ZHX2: variants seen among roughly 807,000 people sequenced by gnomAD.
ZHX2 encodes the protein zinc fingers and homeoboxes 2, also known as zinc fingers and homeoboxes protein 2.
A neutral mutation model predicts 21.9 loss-of-function variants in ZHX2; 6 were observed. The observed-to-expected ratio is 0.27, with a 90% CI of 0.15 to 0.54. The LOEUF is 0.54. ZHX2 is among the 20% of genes least tolerant of loss of function. The pLI is 0.95. For missense variants in ZHX2, 908 were observed against 1,090.7 expected, an observed-to-expected ratio of 0.83 and a Z score of 2.36; for synonymous variants, 434 against 437.1, an observed-to-expected ratio of 0.99 and a Z score of 0.09.
intron 1 of ZHX2, among the ~76,000 whole-genome samples, chr8:122,848,124 G>A (rs1246673210): frequency 6.6e-6 from 1 of 152,170 alleles, no homozygotes; most frequent in Non-Finnish European, 1.5e-5. Flanking sequence ...AATATATTTT[G>A]AGGAATGAAT....
chr8:122,879,254 T>G (rs535216968), intron 2 of ZHX2, among the ~76,000 whole-genome samples: 1 of 152,294 alleles, frequency 6.6e-6, no homozygotes, highest in South Asian at 2.1e-4. Flanking sequence ...GTCACCAGGC[T>G]GGAGTGCAGT....
rs192082952 is a variant in ZHX2, at chr8:122,809,361, G to C, written c.-283+27415G>C. 7.7e-3 allele frequency: 1,177 copies of C among 152,372 alleles called. 9 individuals carry two copies. Among genetic ancestry groups the C allele is most frequent in the Middle Eastern group, 0.017 (5 of 300 alleles). 9.4% of individuals were successfully genotyped at this position (152,372 alleles called of 1,614,324 possible). ...AAAAATACAAAAAAATTAGCCAGGC[G>C]TGGTGGTAGGCGCCTGTAATCCCAG... On this transcript the variant is annotated intron_variant, in intron 1 of 3. Coordinates refer to ENST00000314393, the MANE Select transcript of ZHX2 (RefSeq NM_014943.5).
chr8:122,971,668 C>A (rs563545383), intron 3 of ZHX2, among the ~76,000 whole-genome samples: 65 of 147,898 alleles, frequency 4.4e-4, no homozygotes, highest in Non-Finnish European at 8.6e-4. Flanking sequence ...AACAGCCTTA[C>A]CAGGAGGGAG....
chr8:122,891,979 T>C (rs1819991018), intron 2 of ZHX2, among the ~76,000 whole-genome samples: 1 of 152,166 alleles, frequency 6.6e-6, no homozygotes, highest in African/African-American at 2.4e-5. Flanking sequence ...GGTTTGGTGA[T>C]TTTCTGCCTA....
chr8:122,851,131 C>T (rs1257946618), intron 1 of ZHX2, among the ~76,000 whole-genome samples: 1 of 152,064 alleles, frequency 6.6e-6, no homozygotes. Context: ...CTGGGGGGTG[C>T]GAGACGGGGG....
chr8:122,970,987 G>A (rs1813706348), intron 3 of ZHX2, among the ~76,000 whole-genome samples: 1 of 152,234 alleles, frequency 6.6e-6, no homozygotes, highest in Non-Finnish European at 1.5e-5. Flanking sequence ...AGAATCAGGA[G>A]GCTCTGAAGT....
chr8:122,872,884 G>A (rs1819474570), intron 2 of ZHX2, among the ~76,000 whole-genome samples: 1 of 152,036 alleles, frequency 6.6e-6, no homozygotes, highest in Non-Finnish European at 1.5e-5. Context: ...ACTCAGACAG[G>A]TTTCCCCCAC....
chr8:122,889,699 C>T (rs377131080), intron 2 of ZHX2, among the ~76,000 whole-genome samples: 1 of 152,154 alleles, frequency 6.6e-6, no homozygotes, highest in Non-Finnish European at 1.5e-5. Flanking sequence ...TACCTATTCA[C>T]GGATTTTTCT....
intron 2 of ZHX2, among the ~76,000 whole-genome samples, chr8:122,874,998 G>C (rs756487987): frequency 6.6e-6 from 1 of 151,690 alleles, no homozygotes; most frequent in Admixed American, 6.6e-5. Flanking sequence ...ACTGTAAAAT[G>C]AGCAGACAAG....
intron 2 of ZHX2, among the ~76,000 whole-genome samples, chr8:122,893,125 T>C (rs1316717137): frequency 1.3e-5 from 2 of 152,210 alleles, no homozygotes; most frequent in African/African-American, 4.8e-5. Flanking sequence ...TTTGTTTTGT[T>C]TTTTTTCTTT....
chr8:122,875,611 C>T (rs1819554628), intron 2 of ZHX2, among the ~76,000 whole-genome samples: 1 of 151,624 alleles, frequency 6.6e-6, no homozygotes, highest in African/African-American at 2.4e-5. Context: ...TAGTAGTAGA[C>T]GTGGTAGTTG....
chr8:122,805,038 C>T (rs1817796008), intron 1 of ZHX2, among the ~76,000 whole-genome samples: 1 of 152,190 alleles, frequency 6.6e-6, no homozygotes, highest in Admixed American at 6.5e-5. Flanking sequence ...TTCATCTAAA[C>T]TCTTTCATTC....
intron 1 of ZHX2, among the ~76,000 whole-genome samples, chr8:122,857,944 CAT>C (rs1490359427): frequency 3.3e-5 from 5 of 152,198 alleles, no homozygotes; most frequent in Admixed American, 2.0e-4. Context: ...GAGCAAATGA[CAT>C]ATGCGTTTTA....
chr8:122,813,208 A>G (rs1272594871), intron 1 of ZHX2, among the ~76,000 whole-genome samples: 1 of 151,986 alleles, frequency 6.6e-6, no homozygotes, highest in East Asian at 1.9e-4. Context: ...AAAAAAAAAA[A>G]AAAAGAAAAA....
intron 2 of ZHX2, among the ~76,000 whole-genome samples, chr8:122,882,646 C>A (rs932863346): frequency 6.6e-6 from 1 of 152,160 alleles, no homozygotes; most frequent in Non-Finnish European, 1.5e-5. Flanking sequence ...TTGCTGCTTG[C>A]AATCTTTCCA....
intron 1 of ZHX2, among the ~76,000 whole-genome samples, chr8:122,836,700 G>T (rs985607138): frequency 4.9e-4 from 74 of 152,310 alleles, no homozygotes; most frequent in African/African-American, 1.6e-3. Flanking sequence ...GATCTTCACG[G>T]GTACGTGTCT....
At chr8:122,955,077 G>T (rs1189444908) in intron 3 of ZHX2, among the ~76,000 whole-genome samples, 1 of 145,974 alleles carries the variant, frequency 6.9e-6, no homozygotes, top group African/African-American at 2.5e-5. Context: ...GCCGGGGGGG[G>T]GGGGGTGGCA....
chr8:122,857,709 G>A (rs1819060648), intron 1 of ZHX2, among the ~76,000 whole-genome samples: 1 of 152,176 alleles, frequency 6.6e-6, no homozygotes, highest in South Asian at 2.1e-4. Flanking sequence ...ATTCAGTCAG[G>A]CCTGAGTTCA....
intron 2 of ZHX2, among the ~76,000 whole-genome samples, chr8:122,921,465 C>T (rs1016189244): frequency 6.6e-6 from 1 of 152,180 alleles, no homozygotes; most frequent in South Asian, 2.1e-4. Context: ...TCCCCACCAC[C>T]GCTGCTGCCC....
Sources: gnomAD v4.1 joint callset for allele counts (sites outside exome capture counted in the v4.1 genomes callset) on GRCh38, gnomAD v4.1.1 for gene constraint, MANE v1.5 for transcripts, NCBI Gene and HGNC (gene_info 2026-07-23, HGNC 2026-07-21) for gene names.